Variants in NLK observed in about 807,000 individuals in gnomAD.
NLK encodes the protein serine/threonine-protein kinase NLK.
In NLK, 11 loss-of-function variants were observed where a neutral mutation model predicts 59.0. The observed-to-expected ratio is 0.19, with a 90% confidence interval of 0.12 to 0.31. The LOEUF (loss-of-function observed/expected upper bound fraction) is 0.31. Among genes scored for constraint, NLK ranks in the 10% least tolerant of loss-of-function variants. The probability of loss-of-function intolerance (pLI) is 1.00; values close to 1 mark genes in which losing one functional copy is unlikely to be tolerated. For synonymous variants in NLK, 235 were observed against 235.9 expected, an observed-to-expected ratio of 1.00 and a Z score of 0.03; for missense variants, 410 against 661.1, an observed-to-expected ratio of 0.62 and a Z score of 4.16.
In NLK at chr17:28,102,331, G is replaced by T. The variant is rs534173234; in HGVS notation, c.459-20272G>T. On this transcript the variant is annotated intron_variant, in intron 1 of 10. Coordinates refer to ENST00000407008, the MANE Select transcript of NLK (RefSeq NM_016231.5). Reference sequence around the variant, plus strand: ...AATTGCTTTAATCAAACATTTTTTGGATATTGTTGACTTATGTTAAAGTAG... The same window carrying T: ...AATTGCTTTAATCAAACATTTTTTGTATATTGTTGACTTATGTTAAAGTAG... Among the ~76,000 whole-genome samples the T allele has an allele frequency of 3.3e-5, 5 of 152,114 alleles. No homozygotes were observed. In the East Asian group the frequency reaches 9.7e-4, roughly 29 times the overall value.
intron 1 of NLK, among the ~76,000 whole-genome samples, chr17:28,110,488 GTT>G (rs111548049): frequency 7.1e-6 from 1 of 140,512 alleles, no homozygotes. Context: ...GGTTTTTTGG[GTT>G]TTTTTTTTTT....
intron 3 of NLK, among the ~76,000 whole-genome samples, chr17:28,154,467 A>T (rs899954465): frequency 1.3e-5 from 2 of 152,212 alleles, no homozygotes; most frequent in Admixed American, 1.3e-4. Flanking sequence ...AGGGTTCCTC[A>T]TGAAATAATA....
chr17:28,162,022 CA>C (rs1295497571), intron 4 of NLK, among the ~76,000 whole-genome samples: 1 of 151,630 alleles, frequency 6.6e-6, no homozygotes, highest in Non-Finnish European at 1.5e-5. Context: ...AACACATAAG[CA>C]ATTTTTTTTT....
Position 28,120,859 on chromosome 17 carries a change from A to AAAGC in NLK, c.459-1743_459-1742insAGCA, listed in dbSNP as rs1214175297. 7.2e-5 allele frequency among the ~76,000 whole-genome samples: 11 copies of AAAGC among 152,216 alleles called. No homozygotes were observed. The South Asian group carries it at 2.1e-3, about 29-fold the overall frequency. Reference sequence around the variant, plus strand: ...TTTAGACAGATATGTAGACAATAGGAATTTTTATTTTCAGGAAAGCAATTT... The same window carrying AAAGC: ...TTTAGACAGATATGTAGACAATAGGAAAGCATTTTTATTTTCAGGAAAGCAATTT... On this transcript the variant is annotated intron_variant, in intron 1 of 10. Transcript: ENST00000407008.
chr17:28,095,265 G>C (rs1260733274), intron 1 of NLK, among the ~76,000 whole-genome samples: 1 of 152,082 alleles, frequency 6.6e-6, no homozygotes, highest in East Asian at 1.9e-4. Flanking sequence ...CCCCTCTGTA[G>C]TGCAGTACCC....
At chr17:28,078,108 G>C (rs545933467) in intron 1 of NLK, among the ~76,000 whole-genome samples, 1 of 152,068 alleles carries the variant, frequency 6.6e-6, no homozygotes, top group South Asian at 2.1e-4. Flanking sequence ...TTATGAAATG[G>C]TATACTGCTT....
At chr17:28,112,941 A>C (rs978595572) in intron 1 of NLK, among the ~76,000 whole-genome samples, 2 of 152,016 alleles carry the variant, frequency 1.3e-5, no homozygotes, top group African/African-American at 4.8e-5. Flanking sequence ...ATTATAGTAT[A>C]CTCCTCTCTA....
chr17:28,063,504 G>A (rs745952044), intron 1 of NLK, among the ~76,000 whole-genome samples: 3 of 152,024 alleles, frequency 2.0e-5, no homozygotes, highest in Non-Finnish European at 4.4e-5. Context: ...TTTTTGAACT[G>A]TTTTGTAAAA....
intron 1 of NLK, among the ~76,000 whole-genome samples, chr17:28,094,303 A>C (rs1438700101): frequency 6.6e-6 from 1 of 152,246 alleles, no homozygotes; most frequent in Non-Finnish European, 1.5e-5. Context: ...ATGATGTCAG[A>C]TTGCTTTTGT....
intron 1 of NLK, among the ~76,000 whole-genome samples, chr17:28,072,778 C>T (rs534771995): frequency 4.6e-5 from 7 of 152,020 alleles, no homozygotes; most frequent in Admixed American, 3.9e-4. Context: ...TGTTTATTTT[C>T]GAATCTGCCT....
At chr17:28,132,531 TAA>T in intron 2 of NLK, 87 bp from the exon 3 acceptor site, 1 of 949,752 alleles carries the variant, frequency 1.1e-6, no homozygotes, top group Non-Finnish European at 1.6e-6. Context: ...TTTAAAGCAT[TAA>T]AGAGTTGTTA....
chr17:28,058,894 G>A (rs148241051), intron 1 of NLK, among the ~76,000 whole-genome samples: 2,189 of 152,302 alleles, frequency 0.014, 16 homozygotes, highest in Middle Eastern at 0.037. Flanking sequence ...GGGAGGCCAA[G>A]GCAGGTGGAT....
At chr17:28,063,470 G>T (rs946406009) in intron 1 of NLK, among the ~76,000 whole-genome samples, 1 of 152,026 alleles carries the variant, frequency 6.6e-6, no homozygotes. Flanking sequence ...ATTTCTCGGG[G>T]TTTGGGTTTA....
intron 1 of NLK, among the ~76,000 whole-genome samples, chr17:28,063,469 G>A (rs921865769): frequency 2.6e-5 from 4 of 151,528 alleles, no homozygotes; most frequent in African/African-American, 9.7e-5. Context: ...CATTTCTCGG[G>A]GTTTGGGTTT....
chr17:28,098,839 C>T (rs1226282550), intron 1 of NLK, among the ~76,000 whole-genome samples: 2 of 151,890 alleles, frequency 1.3e-5, no homozygotes, highest in African/African-American at 2.4e-5. Context: ...TGCGCCACGA[C>T]GCTCGGCTAA....
chr17:28,154,460 G>A (rs1215471154), intron 3 of NLK, among the ~76,000 whole-genome samples: 1 of 151,958 alleles, frequency 6.6e-6, no homozygotes, highest in Non-Finnish European at 1.5e-5. Flanking sequence ...ATAATTGAGG[G>A]TTCCTCATGA....
At chr17:28,111,896 G>GTGGGGTGT (rs1394476582) in intron 1 of NLK, among the ~76,000 whole-genome samples, 1 of 67,484 alleles carries the variant, frequency 1.5e-5, no homozygotes, top group African/African-American at 6.1e-5. Flanking sequence ...GTGTGTGTGT[G>GTGGGGTGT]GTGTGTGTGT....
chr17:28,128,000 A>G (rs2142825537), intron 2 of NLK, among the ~76,000 whole-genome samples: 1 of 152,306 alleles, frequency 6.6e-6, no homozygotes, highest in Non-Finnish European at 1.5e-5. Flanking sequence ...GAGAGGTGCC[A>G]CTATAATCCA....
At chr17:28,147,691 G>C (rs1907313819) in intron 3 of NLK, among the ~76,000 whole-genome samples, 2 of 152,110 alleles carry the variant, frequency 1.3e-5, no homozygotes, top group African/African-American at 2.4e-5. Flanking sequence ...TCTCTAATAT[G>C]TTCCCACCTA....
Sources: gnomAD v4.1 joint callset for allele counts (sites outside exome capture counted in the v4.1 genomes callset) on GRCh38, gnomAD v4.1.1 for gene constraint, MANE v1.5 for transcripts, NCBI Gene and HGNC (gene_info 2026-07-23, HGNC 2026-07-21) for gene names.